TBPL1: variants seen among roughly 807,000 people sequenced by gnomAD.
TBPL1 encodes TATA-box binding protein like 1, also known as TATA box-binding protein-like 1.
Under a neutral mutation model 22.1 loss-of-function variants are expected in TBPL1, and 4 were observed. The ratio of observed to expected loss-of-function variants is 0.18; its 90% CI spans 0.09 to 0.41. TBPL1 has a LOEUF of 0.41. Ranked by LOEUF, TBPL1 falls within the 10% of genes least tolerant of loss-of-function variation. The probability of loss-of-function intolerance (pLI) is 1.00; values close to 1 mark genes in which losing one functional copy is unlikely to be tolerated. For synonymous variants in TBPL1, 64 were observed against 71.0 expected, an observed-to-expected ratio of 0.90 and a Z score of 0.50; for missense variants, 115 against 222.3, an observed-to-expected ratio of 0.52 and a Z score of 3.07.
chr6:133,955,415 G>C (rs1170260812), intron 1 of TBPL1, among the ~76,000 whole-genome samples: 1 of 151,810 alleles, frequency 6.6e-6, no homozygotes, highest in Non-Finnish European at 1.5e-5. Flanking sequence ...TTTTTATGCT[G>C]TATCATTTCC....
In TBPL1 at chr6:133,984,360, T is replaced by C; in HGVS notation, c.283-16T>C. The stretch of plus-strand genomic sequence containing the variant: ...GTTTCAAAATAAATTTATTGAATTT[T>C]ACTTCTCTCCTAAAGGTAATATTTA... On this transcript the variant is annotated splice_polypyrimidine_tract_variant and intron_variant, in intron 4 of 6. Transcript: ENST00000237264. The C allele has an allele frequency of 6.4e-7, 1 of 1,557,276 alleles. No individual in the cohort carries two copies. Among genetic ancestry groups the C allele is most frequent in the Non-Finnish European group, 8.8e-7 (1 of 1,142,710 alleles).
At chr6:133,986,830 A>G (rs1776534184) in intron 6 of TBPL1, 131 bp from the exon 7 acceptor site, 7 of 541,546 alleles carry the variant, frequency 1.3e-5, no homozygotes, top group Non-Finnish European at 1.3e-5. Context: ...TTATATGTCT[A>G]GTTTTCTTTT....
intron 6 of TBPL1, 133 bp from the exon 7 acceptor site, chr6:133,986,828 C>T: frequency 1.9e-6 from 1 of 536,958 alleles, no homozygotes; most frequent in Non-Finnish European, 3.2e-6. Context: ...AATTATATGT[C>T]TAGTTTTCTT....
intron 1 of TBPL1, among the ~76,000 whole-genome samples, chr6:133,956,917 T>G (rs1775937149): frequency 6.6e-6 from 1 of 152,258 alleles, no homozygotes; most frequent in Non-Finnish European, 1.5e-5. Flanking sequence ...TCTGAGGTTT[T>G]TCCAGGCTAC....
At position 133,972,435 on chromosome 6, in the gene TBPL1, T is replaced by TCCC. The variant is rs1289358178; in HGVS notation, c.-44-7647_-44-7646insCCC. On this transcript the variant is annotated intron_variant, in intron 1 of 6. Coordinates refer to ENST00000237264, the MANE Select transcript of TBPL1 (RefSeq NM_004865.4). The stretch of plus-strand genomic sequence containing the variant: ...GGCCTTACATTTATCAGTGATAAAT[T>TCCC]TTATTTTGTTGGTAGTGCCTCTTTG... 3.9e-5 allele frequency among the ~76,000 whole-genome samples: 6 copies of TCCC among 152,198 alleles called. No homozygotes were observed. The East Asian group carries it at 1.2e-3, about 29-fold the overall frequency.
intron 1 of TBPL1, among the ~76,000 whole-genome samples, chr6:133,960,760 G>T (rs1286423713): frequency 6.6e-6 from 1 of 152,144 alleles, no homozygotes; most frequent in Non-Finnish European, 1.5e-5. Context: ...TGACTGACAG[G>T]GTGGCCATTC....
chr6:133,961,376 G>C (rs764402864), intron 1 of TBPL1, among the ~76,000 whole-genome samples: 7 of 151,634 alleles, frequency 4.6e-5, no homozygotes, highest in Non-Finnish European at 1.0e-4. Context: ...TTCATTTGCT[G>C]TGCCCTCTGC....
chr6:133,955,024 A>T (rs951689920), intron 1 of TBPL1, among the ~76,000 whole-genome samples: 1 of 152,234 alleles, frequency 6.6e-6, no homozygotes, highest in African/African-American at 2.4e-5. Flanking sequence ...TGGGAAACTT[A>T]AGTTGCATTT....
intron 1 of TBPL1, among the ~76,000 whole-genome samples, chr6:133,974,115 T>A (rs11154754): frequency 0.38 from 57,764 of 151,708 alleles, 13,483 homozygotes; most frequent in Non-Finnish European, 0.55. Context: ...TAAGCCAAAA[T>A]GAACTCATAA....
In TBPL1 at chr6:133,980,156, A is replaced by G; in HGVS notation, c.31A>G (p.Ile11Val). 3.1e-6 allele frequency: 5 copies of G among 1,601,280 alleles called. No homozygotes were observed. The highest frequency in any genetic ancestry group is 3.4e-6 in the Non-Finnish European group (4 of 1,174,534). ...TGCAGACAGTGATGTTGCATTGGAC[A>G]TTCTAATTACAAATGTAGTCTGTGT... MDADSDVALD[I>V]LITNVVCVFR... The change falls in exon 2 of 7, where the codon ATT (isoleucine) becomes GTT (valine). Residue 11 changes from isoleucine (I) to valine (V), a missense_variant. Ile to Val is a conservative substitution (Grantham distance 29, BLOSUM62 3). Coordinates refer to ENST00000237264, the MANE Select transcript of TBPL1 (RefSeq NM_004865.4).
At chr6:133,952,351 C>T (rs1263249821), upstream of TBPL1, 1 of 152,588 alleles carries the variant, frequency 6.6e-6, no homozygotes, top group African/African-American at 2.4e-5. The surrounding 1 kb of genome is among the most constrained non-coding windows in gnomAD (Gnocchi z 4.5). Flanking sequence ...TCCTAGAGGT[C>T]CTCCTATCCC....
chr6:133,986,612 A>G (rs978019843), intron 6 of TBPL1, among the ~76,000 whole-genome samples: 1 of 152,198 alleles, frequency 6.6e-6, no homozygotes, highest in Non-Finnish European at 1.5e-5. Flanking sequence ...AAGCCAGATG[A>G]TAGTGACTTA....
chr6:133,964,596 C>T (rs1433757502), intron 1 of TBPL1, among the ~76,000 whole-genome samples: 1 of 151,174 alleles, frequency 6.6e-6, no homozygotes, highest in Non-Finnish European at 1.5e-5. Context: ...ACTACAGGTG[C>T]CTGCCACCAC....
chr6:133,971,684 G>A (rs531336198), intron 1 of TBPL1, among the ~76,000 whole-genome samples: 97 of 152,026 alleles, frequency 6.4e-4, no homozygotes, highest in Middle Eastern at 6.8e-3. Flanking sequence ...CTTATGATAC[G>A]TGATGTTGAA....
At position 133,985,333 on chromosome 6, in the gene TBPL1, T is replaced by C. The variant is rs1355510807; in HGVS notation, c.481+662T>C. On this transcript the variant is annotated intron_variant, in intron 6 of 6. Coordinates refer to ENST00000237264, the MANE Select transcript of TBPL1 (RefSeq NM_004865.4). ...ATATATATATATATATATATATATA[T>C]ATATACACACATATATTTTCTGGTA... is the stretch of plus-strand genomic sequence containing the variant. Among the ~76,000 whole-genome samples the C allele has an allele frequency of 1.4e-4, 16 of 111,712 alleles. 1 individual carries two copies. Among genetic ancestry groups the C allele is most frequent in the African/African-American group, 5.2e-4 (15 of 28,630 alleles). 73.3% of individuals were successfully genotyped at this position (111,712 alleles called of 152,430 possible).
intron 1 of TBPL1, among the ~76,000 whole-genome samples, chr6:133,973,651 C>A (rs1776262455): frequency 6.6e-6 from 1 of 152,040 alleles, no homozygotes; most frequent in South Asian, 2.1e-4. Flanking sequence ...AGAAAGAGGA[C>A]CAAAAATACA....
intron 2 of TBPL1, 129 bp from the exon 3 acceptor site, chr6:133,982,439 T>G (rs1776432891): frequency 1.5e-6 from 1 of 661,792 alleles, no homozygotes; most frequent in Admixed American, 3.4e-5. Flanking sequence ...AATGGTAGAT[T>G]TGGAGAGCAG....
At chr6:133,986,849 G>A (rs911674886) in intron 6 of TBPL1, 112 bp from the exon 7 acceptor site, 133 of 619,352 alleles carry the variant, frequency 2.1e-4, no homozygotes, top group Non-Finnish European at 2.9e-4. Flanking sequence ...TTTTTTAACA[G>A]TTAACTTGAT....
chr6:133,954,421 G>A (rs942349506), intron 1 of TBPL1, among the ~76,000 whole-genome samples: 20 of 152,378 alleles, frequency 1.3e-4, no homozygotes, highest in Admixed American at 6.5e-4. Flanking sequence ...GTCTCTTTGA[G>A]AAAATGGCAG....
Sources: allele counts gnomAD v4.1 joint callset (sites outside exome capture counted in the v4.1 genomes callset), GRCh38; gene constraint gnomAD v4.1.1; non-coding constraint Gnocchi (gnomAD v3.1); transcripts MANE v1.5; gene names NCBI Gene and HGNC (gene_info 2026-07-23, HGNC 2026-07-21).